Variants in OR6J1 observed in about 807,000 individuals in gnomAD.
The protein encoded by OR6J1 is olfactory receptor family 6 subfamily J member 1, also known as olfactory receptor 6J1.
For synonymous variants in OR6J1, 109 were observed against 70.0 expected (o/e 1.56, Z -2.78); for missense variants, 304 against 166.8 (o/e 1.82, Z -4.53).
Position 22,633,597 on chromosome 14 carries a change from C to T in OR6J1, c.*171G>A. On this transcript the variant is annotated 3_prime_UTR_variant, in exon 2 of 2. Transcript: ENST00000540461. ...CATCAAGTCCAGCCCTGTTGCACTT[C>T]AGCTGAGAGTACTGAGAGTCAGAAT... is the stretch of plus-strand genomic sequence containing the variant. The T allele has an allele frequency of 1.7e-6, 1 of 586,220 alleles. No individual in the cohort carries two copies. Among genetic ancestry groups the T allele is most frequent in the South Asian group, 2.2e-5 (1 of 45,980 alleles). 36.3% of individuals were successfully genotyped at this position (586,220 alleles called of 1,614,324 possible). A position where few individuals can be genotyped will look rare whatever the true frequency, so the allele number is the denominator to read the frequency against.
rs141361036 is a variant in OR6J1, at chr14:22,640,682, C to T, written c.-28+3416G>A. Reference sequence around the variant, plus strand: ...TATTAGGTTGTTGCAAAAGTAATTGCGGTTTTGCCATTACTTTTCGTAGCT... The same window carrying T: ...TATTAGGTTGTTGCAAAAGTAATTGTGGTTTTGCCATTACTTTTCGTAGCT... On this transcript the variant is annotated intron_variant, in intron 1 of 1. Coordinates refer to ENST00000540461, the MANE Select transcript of OR6J1 (RefSeq NM_001348233.2). 2.9e-4 allele frequency among the ~76,000 whole-genome samples: 43 copies of T among 150,864 alleles called. 1 individual carries two copies. The East Asian group carries it at 5.1e-3, about 18-fold the overall frequency.
chr14:22,638,226 G>GA (rs2037610806), intron 1 of OR6J1, among the ~76,000 whole-genome samples: 2 of 72,552 alleles, frequency 2.8e-5, no homozygotes, highest in Non-Finnish European at 5.0e-5. Flanking sequence ...GAAGGGTGGG[G>GA]AAAAAATTGA....
At position 22,636,225 on chromosome 14, in the gene OR6J1, GC is replaced by G. The variant is rs1252311307; in HGVS notation, c.-27-1388del. On this transcript the variant is annotated intron_variant, in intron 1 of 1. Coordinates refer to ENST00000540461, the MANE Select transcript of OR6J1 (RefSeq NM_001348233.2). Reference sequence around the variant, plus strand: ...AGGAAATATAAATTAAGACACTAGCGCCCTCTCCCTCTCCCTCTCCCTCTCC... The same window carrying G: ...AGGAAATATAAATTAAGACACTAGCGCCTCTCCCTCTCCCTCTCCCTCTCC... Among the ~76,000 whole-genome samples, 4 of 65,602 alleles carry G rather than the reference GC, an allele frequency of 6.1e-5. 1 individual carries two copies. Among genetic ancestry groups the G allele is most frequent in the East Asian group, 6.8e-4 (2 of 2,942 alleles). 43.0% of individuals were successfully genotyped at this position (65,602 alleles called of 152,430 possible).
chr14:22,641,210 TAAGAAAGAAAGAAAGAAAGAAAGAAAG>T (rs1200403187), intron 1 of OR6J1, among the ~76,000 whole-genome samples: 2 of 122,480 alleles, frequency 1.6e-5, no homozygotes, highest in African/African-American at 3.1e-5. Flanking sequence ...GAGAGAAAGA[TAAGAAAGAAAGAAAGAAAGAAAGAAAG>T]AAAGAAAGAA....
chr14:22,635,900 C>CA (rs894837648), intron 1 of OR6J1, among the ~76,000 whole-genome samples: 24 of 151,768 alleles, frequency 1.6e-4, no homozygotes, highest in African/African-American at 5.8e-4. Context: ...AAATAAGACC[C>CA]AAAAAAGTGC....
rs147588191 is a variant in OR6J1, at chr14:22,635,936, A to G, written c.-27-1098T>C. Among the ~76,000 whole-genome samples, 289 of 152,284 alleles carry G rather than the reference A, an allele frequency of 1.9e-3. 1 individual carries two copies. The highest frequency in any genetic ancestry group is 6.4e-3 in the African/African-American group (265 of 41,568). ...TAAACAGAAAAGAAAATATTAATAAATTAAGCTACATTAAAATGAAGAATT... is the reference window on the plus strand; with the variant it reads ...TAAACAGAAAAGAAAATATTAATAAGTTAAGCTACATTAAAATGAAGAATT... On this transcript the variant is annotated intron_variant, in intron 1 of 1. Transcript: ENST00000540461.
intron 1 of OR6J1, among the ~76,000 whole-genome samples, chr14:22,639,068 G>A: frequency 1.0e-5 from 1 of 98,798 alleles, no homozygotes; most frequent in East Asian, 2.5e-4. Context: ...TCTGAGAAGT[G>A]AGGAGACCCT....
intron 1 of OR6J1, among the ~76,000 whole-genome samples, chr14:22,635,692 C>G (rs2037578697): frequency 6.6e-6 from 1 of 152,182 alleles, no homozygotes; most frequent in Non-Finnish European, 1.5e-5. Context: ...AGATGTGGAA[C>G]AGTGATATGT....
chr14:22,634,207 G>A lies in OR6J1; in HGVS notation c.605C>T (p.Ser202Phe). ...TAIELMDFML[S>F]SMVILCCIVL... ...TATGCAGCAGAGGATGACCATGGAA[G>A]AAAGCATAAAATCCATCAGCTCGAT... The change falls in exon 2 of 2, where the codon TCT becomes TTT. Residue 202 changes from serine (S) to phenylalanine (F), a missense_variant. Ser to Phe is a radical substitution (Grantham distance 155). Coordinates refer to ENST00000540461, the MANE Select transcript of OR6J1 (RefSeq NM_001348233.2). 2.8e-6 allele frequency: 2 copies of A among 703,488 alleles called. No homozygotes were observed. Among genetic ancestry groups the A allele is most frequent in the Non-Finnish European group, 5.2e-6 (2 of 385,012 alleles). 43.6% of individuals were successfully genotyped at this position (703,488 alleles called of 1,614,324 possible).
In OR6J1 at chr14:22,637,261, AC is replaced by A. The variant is rs1234150387; in HGVS notation, c.-27-2424del. Among the ~76,000 whole-genome samples the A allele has an allele frequency of 7.7e-5, 5 of 65,128 alleles. No individual in the cohort carries two copies. The East Asian group carries it at 1.6e-3, about 21-fold the overall frequency. The allele number at this position is 65,128 out of a possible 152,430, so 42.7% of individuals were successfully genotyped here. A position where few individuals can be genotyped will look rare whatever the true frequency, so the allele number is the denominator to read the frequency against. On this transcript the variant is annotated intron_variant, in intron 1 of 1. Coordinates refer to ENST00000540461, the MANE Select transcript of OR6J1 (RefSeq NM_001348233.2). Reference sequence around the variant, plus strand: ...TGAGGAGCGTCTCCGCCCGGCAGCCACCCCGTCCGGGAGGGAGGTGGGGGGG... The same window carrying A: ...TGAGGAGCGTCTCCGCCCGGCAGCCACCCGTCCGGGAGGGAGGTGGGGGGG...
rs752468279 is a variant in OR6J1, at chr14:22,634,037, C to T, written c.775G>A (p.Val259Met). 1.4e-6 allele frequency: 1 copy of T among 702,850 alleles called. No individual in the cohort carries two copies. The highest frequency in any genetic ancestry group is 1.5e-5 in the South Asian group (1 of 67,584). The allele number at this position is 702,850 out of a possible 1,614,324, so 43.5% of individuals were successfully genotyped here. The change falls in exon 2 of 2, where the codon GTG becomes ATG. Residue 259 changes from valine (V) to methionine (M), a missense_variant. Coordinates refer to ENST00000540461, the MANE Select transcript of OR6J1 (RefSeq NM_001348233.2). Reference sequence around the variant, plus strand: ...AGATATTCTTTCTGGGAGGGAGTCACATAGATAAACACAGTGATGCCACTA... The same window carrying T: ...AGATATTCTTTCTGGGAGGGAGTCATATAGATAAACACAGTGATGCCACTA... ...ISSGITVFIY[V>M]TPSQKEYLEI... is the part of the protein sequence containing the mutation.
Position 22,639,219 on chromosome 14 carries a change from C to G in OR6J1, c.-27-4381G>C, listed in dbSNP as rs1215484538. The stretch of plus-strand genomic sequence containing the variant: ...CGTCTCCGCCCGGCAGCCACCCCGT[C>G]CGGGAGGGAGGTGGTGGGGGGTCAG... On this transcript the variant is annotated intron_variant, in intron 1 of 1. Transcript: ENST00000540461. 1.6e-5 allele frequency among the ~76,000 whole-genome samples: 2 copies of G among 121,874 alleles called. 1 individual carries two copies. The highest frequency in any genetic ancestry group is 3.2e-5 in the Non-Finnish European group (2 of 61,648). 80.0% of individuals were successfully genotyped at this position (121,874 alleles called of 152,430 possible). A position where few individuals can be genotyped will look rare whatever the true frequency, so the allele number is the denominator to read the frequency against.
In OR6J1 at chr14:22,633,099, G is replaced by C. The variant is rs1363336557; in HGVS notation, c.*669C>G. On this transcript the variant is annotated 3_prime_UTR_variant, in exon 2 of 2. Coordinates refer to ENST00000540461, the MANE Select transcript of OR6J1 (RefSeq NM_001348233.2). ...GTCCAGCCAAGCCACACAGGTCATA[G>C]GTCACTGGCCAGTCTCTTAGGTGTG... 1 of 152,442 alleles carries C rather than the reference G, an allele frequency of 6.6e-6. No individual in the cohort carries two copies. Among genetic ancestry groups the C allele is most frequent in the Non-Finnish European group, 1.5e-5 (1 of 68,220 alleles). 9.4% of individuals were successfully genotyped at this position (152,442 alleles called of 1,614,324 possible).
chr14:22,633,924 C>A lies in OR6J1; in HGVS notation c.888G>T (p.Val296=). 7.1e-6 allele frequency: 5 copies of A among 702,982 alleles called. No individual in the cohort carries two copies. Among genetic ancestry groups the A allele is most frequent in the Non-Finnish European group, 1.3e-5 (5 of 384,880 alleles). 43.5% of individuals were successfully genotyped at this position (702,982 alleles called of 1,614,324 possible). The change falls in exon 2 of 2, where the codon GTG becomes GTT. Residue 296 remains valine, a synonymous_variant. Transcript: ENST00000540461. The part of the protein sequence containing the change: ...PFIYTLRNDT[V]QGVLRDVWVR... Reference sequence around the variant, plus strand: ...CCCACACATCCCTGAGGACTCCCTGCACTGTGTCATTCCTCAGAGTATATA... The same window carrying A: ...CCCACACATCCCTGAGGACTCCCTGAACTGTGTCATTCCTCAGAGTATATA...
chr14:22,641,441 A>G (rs57357786), intron 1 of OR6J1, among the ~76,000 whole-genome samples: 1 of 84,620 alleles, frequency 1.2e-5, no homozygotes, highest in Non-Finnish European at 2.5e-5. Context: ...GAAAGAATGA[A>G]AGAGAGAGAA....
At chr14:22,639,941 G>A (rs1456999267) in intron 1 of OR6J1, among the ~76,000 whole-genome samples, 1 of 87,188 alleles carries the variant, frequency 1.1e-5, no homozygotes, top group African/African-American at 5.7e-5. Context: ...CCATGACCCT[G>A]CCAAATCCTC....
In OR6J1 at chr14:22,641,398, A is replaced by G. The variant is rs1297221907; in HGVS notation, c.-28+2700T>C. On this transcript the variant is annotated intron_variant, in intron 1 of 1. Coordinates refer to ENST00000540461, the MANE Select transcript of OR6J1 (RefSeq NM_001348233.2). ...AGAAGAAAGAAAGAGAGAGAGAGAG[A>G]AAGGAAGGATGGAAGGAAGGAAGAG... 4.5e-3 allele frequency among the ~76,000 whole-genome samples: 552 copies of G among 122,334 alleles called. 9 individuals carry two copies. The highest frequency in any genetic ancestry group is 0.012 in the South Asian group (48 of 3,970). 80.3% of individuals were successfully genotyped at this position (122,334 alleles called of 152,430 possible). A position where few individuals can be genotyped will look rare whatever the true frequency, so the allele number is the denominator to read the frequency against.
chr14:22,635,171 T>C (rs1437132528), intron 1 of OR6J1, among the ~76,000 whole-genome samples: 3 of 152,234 alleles, frequency 2.0e-5, no homozygotes, highest in African/African-American at 4.8e-5. Context: ...GAAGTAGTCA[T>C]GGATATGTTA....
intron 1 of OR6J1, among the ~76,000 whole-genome samples, chr14:22,638,400 A>G (rs1469933497): frequency 2.8e-5 from 2 of 70,922 alleles, no homozygotes; most frequent in East Asian, 2.8e-4. Context: ...ACTCAGGGTT[A>G]AATGGATTAA....
Sources: allele counts gnomAD v4.1 joint callset (sites outside exome capture counted in the v4.1 genomes callset), GRCh38; gene constraint gnomAD v4.1.1; transcripts MANE v1.5; gene names NCBI Gene and HGNC (gene_info 2026-07-23, HGNC 2026-07-21).